ADAMTS10: variants seen among roughly 807,000 people sequenced by gnomAD.
The protein encoded by ADAMTS10 is ADAM metallopeptidase with thrombospondin type 1 motif 10.
ADAMTS10 carries 48 observed loss-of-function variants against 135.9 expected under a neutral mutation model. The observed-to-expected ratio is 0.35, with a 90% CI of 0.28 to 0.45. The LOEUF is 0.45. ADAMTS10 is among the 20% of genes least tolerant of loss of function. ADAMTS10 has a pLI of 1.00. For missense variants in ADAMTS10, 1,131 were observed against 1,565.2 expected, an observed-to-expected ratio of 0.72 and a Z score of 4.68; for synonymous variants, 621 against 647.5, an observed-to-expected ratio of 0.96 and a Z score of 0.62.
At chr19:8,586,017 C>T in intron 22 of ADAMTS10, 105 bp downstream of exon 22, 1 of 1,569,598 alleles carries the variant, frequency 6.4e-7, no homozygotes, top group Non-Finnish European at 8.7e-7. Flanking sequence ...ACTGTCACTC[C>T]GACTCTGCAC....
rs1600100262 is a variant in ADAMTS10, at chr19:8,589,257, C to T, written c.2143G>A (p.Ala715Thr). The part of the protein sequence containing the change: ...CETIEGVFSP[A>T]SPGAGYEDVV... ...AGACTCTCACCGGCCCCAGGTGAGG[C>T]TGGGCTGAAGACGCCCTCGATGGTC... is the stretch of plus-strand genomic sequence containing the variant. The change falls in exon 18 of 26, where the codon GCC becomes ACC. Residue 715 changes from alanine (A) to threonine (T), a missense_variant. By Grantham distance (58) the Ala-to-Thr change is moderately conservative. Coordinates refer to ENST00000597188, the MANE Select transcript of ADAMTS10 (RefSeq NM_030957.4). 6.2e-7 allele frequency: 1 copy of T among 1,612,652 alleles called. No homozygotes were observed. Among genetic ancestry groups the T allele is most frequent in the Non-Finnish European group, 8.5e-7 (1 of 1,179,956 alleles).
intron 23 of ADAMTS10, 23 bp downstream of exon 23, chr19:8,585,433 C>G: frequency 6.5e-7 from 1 of 1,536,760 alleles, no homozygotes; most frequent in Non-Finnish European, 8.8e-7. Context: ...TCCCAGTGGG[C>G]GCGAAGGAAG....
chr19:8,603,971 T>A, intron 4 of ADAMTS10, 87 bp from the exon 5 acceptor site: 1 of 1,397,728 alleles, frequency 7.2e-7, no homozygotes, highest in Non-Finnish European at 9.6e-7. Flanking sequence ...TCTTTATGAT[T>A]TCATTCTTAT....
intron 2 of ADAMTS10, among the ~76,000 whole-genome samples, chr19:8,606,195 A>G (rs1737383331): frequency 6.6e-6 from 1 of 152,086 alleles, no homozygotes; most frequent in African/African-American, 2.4e-5. Flanking sequence ...CAAGTAGCTG[A>G]GATTGCAGGT....
chr19:8,600,788 G>C lies in ADAMTS10; in HGVS notation c.810+140C>G, dbSNP rs145113196. 3.8e-6 allele frequency: 4 copies of C among 1,060,796 alleles called. No homozygotes were observed. The East Asian group carries it at 1.0e-4, about 27-fold the overall frequency. The allele number at this position is 1,060,796 out of a possible 1,614,324, so 65.7% of individuals were successfully genotyped here. The stretch of plus-strand genomic sequence containing the variant: ...GCTGGGATTACAGGTGTGAGCCACC[G>C]CGCCCGGCCTGCAACCTTCCTTTCT... On this transcript the variant is annotated intron_variant, in intron 6 of 25. Transcript: ENST00000597188.
chr19:8,584,631 T>A (rs1568390988), intron 25 of ADAMTS10, among the ~76,000 whole-genome samples: 1 of 152,062 alleles, frequency 6.6e-6, no homozygotes, highest in Admixed American at 6.6e-5. Context: ...CAGGTGGAGA[T>A]GAATAGGTAC....
chr19:8,604,067 T>A (rs1487941256), intron 4 of ADAMTS10, among the ~76,000 whole-genome samples, 183 bp from the exon 5 acceptor site: 1 of 151,884 alleles, frequency 6.6e-6, no homozygotes, highest in Non-Finnish European at 1.5e-5. Context: ...TTTCTTCTTT[T>A]GGAGACAAGG....
chr19:8,601,049 C>T lies in ADAMTS10; in HGVS notation c.689G>A (p.Gly230Asp). The change falls in exon 6 of 26, where the codon GGC (glycine) becomes GAC (aspartate). Residue 230 changes from glycine to aspartate, a missense_variant. By Grantham distance (94) the Gly-to-Asp change is moderately conservative. Transcript: ENST00000597188. The surrounding 1 kb of genome is among the most constrained non-coding windows in gnomAD (Gnocchi z 4.6). ...LGNETERGQP[G>D]LKRSVSRERY... Reference sequence around the variant, plus strand: ...CTCTCGGCTGACCGATCGCTTCAGGCCTGGCTGGCCACGCTCTGTTTCATT... The same window carrying T: ...CTCTCGGCTGACCGATCGCTTCAGGTCTGGCTGGCCACGCTCTGTTTCATT... 1.9e-6 allele frequency: 3 copies of T among 1,614,172 alleles called. No individual in the cohort carries two copies. The highest frequency in any genetic ancestry group is 2.5e-6 in the Non-Finnish European group (3 of 1,180,050).
intron 12 of ADAMTS10, chr19:8,593,178 G>A (rs781932331): frequency 6.3e-5 from 29 of 461,262 alleles, no homozygotes; most frequent in Non-Finnish European, 1.0e-4. Flanking sequence ...AGCTACTAAG[G>A]GAATAGCCTG....
chr19:8,592,654 A>C, intron 13 of ADAMTS10, 109 bp downstream of exon 13: 1 of 1,137,446 alleles, frequency 8.8e-7, no homozygotes, highest in Non-Finnish European at 1.3e-6. Context: ...GGGCGTGGCC[A>C]ATGTGGGAGG....
chr19:8,589,700 T>C, intron 16 of ADAMTS10, 115 bp from the exon 17 acceptor site: 2 of 1,538,462 alleles, frequency 1.3e-6, no homozygotes, highest in East Asian at 2.4e-5. Flanking sequence ...GAAGGGCAGC[T>C]TGGGCAGAGG....
At position 8,592,076 on chromosome 19, in the gene ADAMTS10, A is replaced by AG; in HGVS notation, c.1614dup (p.Phe539LeufsTer33). 1 of 1,613,710 alleles carries AG rather than the reference A, an allele frequency of 6.2e-7. No individual in the cohort carries two copies. Among genetic ancestry groups the AG allele is most frequent in the Non-Finnish European group, 8.5e-7 (1 of 1,179,918 alleles). On this transcript the variant is annotated frameshift_variant, in exon 14 of 26. Transcript: ENST00000597188. LOFTEE classifies it high-confidence loss of function. ...TCCACACCCTCTGGGCGCGACCCAA[A>AG]GGGGACACAGACCCGTTTGTAGCAC...
In ADAMTS10 at chr19:8,586,140, G is replaced by C; in HGVS notation, c.2642C>G (p.Thr881Arg). ...KLPKRQRACN[T>R]EPCPPDWVVG... Reference sequence around the variant, plus strand: ...CACTCACTCTGGAGGGCAAGGCTCCGTGTTGCAGGCGCGCTGCCTTTTGGG... The same window carrying C: ...CACTCACTCTGGAGGGCAAGGCTCCCTGTTGCAGGCGCGCTGCCTTTTGGG... The change falls in exon 22 of 26, where the codon ACG (threonine) becomes AGG (arginine). Residue 881 changes from threonine to arginine, a missense_variant. Physicochemically the swap from Thr to Arg is moderately conservative, Grantham distance 71. Coordinates refer to ENST00000597188, the MANE Select transcript of ADAMTS10 (RefSeq NM_030957.4). 1 of 1,613,270 alleles carries C rather than the reference G, an allele frequency of 6.2e-7. No individual in the cohort carries two copies. The highest frequency in any genetic ancestry group is 8.5e-7 in the Non-Finnish European group (1 of 1,180,026).
In ADAMTS10 at chr19:8,596,252, T is replaced by G; in HGVS notation, c.1191-33A>C. On this transcript the variant is annotated intron_variant, in intron 10 of 25. Coordinates refer to ENST00000597188, the MANE Select transcript of ADAMTS10 (RefSeq NM_030957.4). This position sits in a 1 kb window ranked among gnomAD's most constrained non-coding sequence, Gnocchi z 7.2. ...AAGGGGTGTCGGCTCTGCCGGGCGCTGAGGGACCCGCCCAGCTCCTCCCCT... is the reference window on the plus strand; with the variant it reads ...AAGGGGTGTCGGCTCTGCCGGGCGCGGAGGGACCCGCCCAGCTCCTCCCCT... The G allele has an allele frequency of 6.2e-7, 1 of 1,613,022 alleles. No homozygotes were observed. Among genetic ancestry groups the G allele is most frequent in the Non-Finnish European group, 8.5e-7 (1 of 1,180,016 alleles).
chr19:8,581,007 G>C lies in ADAMTS10; in HGVS notation c.3203-5C>G, dbSNP rs782811329. ...CCTTGTTCACATCCTTGCACTCTGC[G>C]GGGACGGGAGAAGGAAGGAAAAATC... On this transcript the variant is annotated splice_polypyrimidine_tract_variant and splice_region_variant and intron_variant, in intron 25 of 25. Transcript: ENST00000597188. 1.9e-6 allele frequency: 3 copies of C among 1,608,414 alleles called. No individual in the cohort carries two copies. Among genetic ancestry groups the C allele is most frequent in the Admixed American group, 1.7e-5 (1 of 59,816 alleles).
At chr19:8,592,667 G>T in intron 13 of ADAMTS10, 96 bp downstream of exon 13, 1 of 1,239,742 alleles carries the variant, frequency 8.1e-7, no homozygotes, top group Non-Finnish European at 1.1e-6. Context: ...GTGGGAGGGA[G>T]CAGATAATAG....
chr19:8,597,164 C>T (rs375727023), intron 7 of ADAMTS10, 32 bp from the exon 8 acceptor site: 19 of 1,614,050 alleles, frequency 1.2e-5, no homozygotes, highest in Non-Finnish European at 1.4e-5. Flanking sequence ...TGCATGGGCA[C>T]CCACCACCCA....
intron 15 of ADAMTS10, among the ~76,000 whole-genome samples, chr19:8,590,656 C>T (rs1287645840): frequency 2.0e-5 from 3 of 152,094 alleles, no homozygotes; most frequent in Non-Finnish European, 4.4e-5. Flanking sequence ...GACGGGGTTT[C>T]ACCATGTTAG....
At chr19:8,584,660 G>T (rs2042398944) in intron 25 of ADAMTS10, among the ~76,000 whole-genome samples, 1 of 152,140 alleles carries the variant, frequency 6.6e-6, no homozygotes, top group Admixed American at 6.5e-5. Context: ...AAAGTGACTG[G>T]GGAAATGTCA....
Sources: gnomAD v4.1 joint callset for allele counts (sites outside exome capture counted in the v4.1 genomes callset) on GRCh38, gnomAD v4.1.1 for gene constraint, Gnocchi (gnomAD v3.1) non-coding constraint, MANE v1.5 for transcripts, NCBI Gene and HGNC (gene_info 2026-07-23, HGNC 2026-07-21) for gene names.